Variants in C1orf21 observed in about 807,000 individuals in gnomAD.
C1orf21 encodes the protein uncharacterized protein C1orf21.
Under a neutral mutation model 18.7 loss-of-function variants are expected in C1orf21, and 3 were observed. The ratio of observed to expected loss-of-function variants is 0.16; its 90% CI spans 0.07 to 0.42. The LOEUF (loss-of-function observed/expected upper bound fraction) is 0.42, where lower values mean the gene tolerates loss of function less well. Among genes scored for constraint, C1orf21 ranks in the 10% least tolerant of loss-of-function variants. C1orf21 has a pLI of 0.99. For missense variants in C1orf21, 104 were observed against 143.6 expected, an observed-to-expected ratio of 0.72 and a Z score of 1.41; for synonymous variants, 41 against 46.4, an observed-to-expected ratio of 0.88 and a Z score of 0.47.
At chr1:184,393,067 G>A (rs1655998510) in intron 1 of C1orf21, among the ~76,000 whole-genome samples, 1 of 151,910 alleles carries the variant, frequency 6.6e-6, no homozygotes, top group South Asian at 2.1e-4. Context: ...GAGCTCAAGC[G>A]ATCCCCCTGC....
chr1:184,510,729 G>A (rs1658131572), intron 3 of C1orf21, among the ~76,000 whole-genome samples: 1 of 152,208 alleles, frequency 6.6e-6, no homozygotes, highest in African/African-American at 2.4e-5. Context: ...TTAATGTCCA[G>A]CCAAGAGGCC....
At chr1:184,572,448 C>T (rs905477375) in intron 3 of C1orf21, among the ~76,000 whole-genome samples, 2 of 152,172 alleles carry the variant, frequency 1.3e-5, no homozygotes, top group African/African-American at 4.8e-5. Flanking sequence ...TGTTAGACAG[C>T]AGATGTAGCA....
Position 184,608,076 on chromosome 1 carries a change from C to T in C1orf21, c.327+9615C>T, listed in dbSNP as rs1659675298. On this transcript the variant is annotated intron_variant, in intron 5 of 5. Transcript: ENST00000235307. ...ATACCAAACATACAAACCGACCAAA[C>T]CCATGAACATTGCTGTGCCCGGGGA... 2.6e-5 allele frequency among the ~76,000 whole-genome samples: 4 copies of T among 152,026 alleles called. No individual in the cohort carries two copies. The South Asian group carries it at 8.3e-4, about 32-fold the overall frequency.
At chr1:184,617,905 T>G (rs1354692815) in intron 5 of C1orf21, among the ~76,000 whole-genome samples, 1 of 34,572 alleles carries the variant, frequency 2.9e-5, no homozygotes, top group African/African-American at 2.2e-4. Context: ...GTTGTTGTTG[T>G]TTTTTTTTTT....
chr1:184,505,969 G>A (rs1287196981), intron 2 of C1orf21, among the ~76,000 whole-genome samples: 1 of 151,620 alleles, frequency 6.6e-6, no homozygotes, highest in African/African-American at 2.4e-5. Context: ...CAAATTCTCA[G>A]TAAATAATCC....
chr1:184,608,037 A>G (rs1659674888), intron 5 of C1orf21, among the ~76,000 whole-genome samples: 1 of 152,188 alleles, frequency 6.6e-6, no homozygotes, highest in Admixed American at 6.6e-5. Flanking sequence ...ATGAATATCA[A>G]AGTATCTAAA....
At chr1:184,496,682 C>T (rs1007998067) in intron 2 of C1orf21, among the ~76,000 whole-genome samples, 6 of 152,180 alleles carry the variant, frequency 3.9e-5, no homozygotes, top group Admixed American at 6.5e-5. Flanking sequence ...AGCAGCTCTC[C>T]GCTTGAAAGA....
rs980163353 is a variant in C1orf21, at chr1:184,401,166, AT to A, written c.-125+13805del. On this transcript the variant is annotated intron_variant, in intron 1 of 5. Coordinates refer to ENST00000235307, the MANE Select transcript of C1orf21 (RefSeq NM_030806.4). Reference sequence around the variant, plus strand: ...CTTTTTCTATGAACAGTTTCTTCATATTTTTTTGCCCATTTTTATAGAATTG... The same window carrying A: ...CTTTTTCTATGAACAGTTTCTTCATATTTTTTGCCCATTTTTATAGAATTG... Among the ~76,000 whole-genome samples, 3 of 151,506 alleles carry A rather than the reference AT, an allele frequency of 2.0e-5. No homozygotes were observed. In the Admixed American group the frequency reaches 2.0e-4, roughly 10 times the overall value.
rs1036482636 is a variant in C1orf21 at position 184,625,724 on chromosome 1, G to A, written c.*6168G>A. Reference sequence around the variant, plus strand: ...ACAGGAAAAACCAGCCATCACTCTTGAGAAAGTTTGAGTTCGACTCACATG... The same window carrying A: ...ACAGGAAAAACCAGCCATCACTCTTAAGAAAGTTTGAGTTCGACTCACATG... On this transcript the variant is annotated 3_prime_UTR_variant, in exon 6 of 6. Transcript: ENST00000235307. 1 of 152,448 alleles carries A rather than the reference G, an allele frequency of 6.6e-6. No homozygotes were observed. Among genetic ancestry groups the A allele is most frequent in the African/African-American group, 2.4e-5 (1 of 41,450 alleles). The allele number at this position is 152,448 out of a possible 1,614,324, so 9.4% of individuals were successfully genotyped here. A position where few individuals can be genotyped will look rare whatever the true frequency, so the allele number is the denominator to read the frequency against.
At chr1:184,572,589 G>A (rs1006027470) in intron 3 of C1orf21, among the ~76,000 whole-genome samples, 7 of 152,180 alleles carry the variant, frequency 4.6e-5, no homozygotes, top group Non-Finnish European at 7.3e-5. Flanking sequence ...CATTGTTGAA[G>A]ATGATCATTG....
At chr1:184,488,095 A>G (rs1406729320) in intron 2 of C1orf21, among the ~76,000 whole-genome samples, 1 of 152,178 alleles carries the variant, frequency 6.6e-6, no homozygotes, top group Non-Finnish European at 1.5e-5. Flanking sequence ...TTAAAAGATG[A>G]TCAATTGTCC....
chr1:184,437,842 C>T (rs1656882696), intron 1 of C1orf21, among the ~76,000 whole-genome samples: 1 of 152,040 alleles, frequency 6.6e-6, no homozygotes, highest in African/African-American at 2.4e-5. Flanking sequence ...TAGATGGTCC[C>T]ATCTGAGGGT....
chr1:184,554,776 C>CT (rs1658856191), intron 3 of C1orf21, among the ~76,000 whole-genome samples: 1 of 152,118 alleles, frequency 6.6e-6, no homozygotes, highest in Non-Finnish European at 1.5e-5. Context: ...TAGGGACAGT[C>CT]TCTTAAAAAT....
chr1:184,454,604 G>T (rs1485962069), intron 1 of C1orf21, among the ~76,000 whole-genome samples: 1 of 152,082 alleles, frequency 6.6e-6, no homozygotes, highest in Non-Finnish European at 1.5e-5. Context: ...CCATCCCCTG[G>T]TGCCGTTCTC....
chr1:184,612,598 T>G (rs1659753884), intron 5 of C1orf21, among the ~76,000 whole-genome samples: 1 of 152,054 alleles, frequency 6.6e-6, no homozygotes, highest in African/African-American at 2.4e-5. Flanking sequence ...TGGTGGTGCA[T>G]GCTACTCGGG....
At chr1:184,541,422 C>G (rs1299990448) in intron 3 of C1orf21, among the ~76,000 whole-genome samples, 1 of 152,234 alleles carries the variant, frequency 6.6e-6, no homozygotes, top group African/African-American at 2.4e-5. Context: ...ACCTCGCCAT[C>G]TACCACATGC....
At chr1:184,529,798 G>A (rs764071236) in intron 3 of C1orf21, among the ~76,000 whole-genome samples, 3 of 152,136 alleles carry the variant, frequency 2.0e-5, no homozygotes, top group Non-Finnish European at 4.4e-5. Context: ...AAGTCATTGG[G>A]TCTGATATCT....
chr1:184,466,737 A>AT lies in C1orf21; in HGVS notation c.-124-10639dup, dbSNP rs562297066. On this transcript the variant is annotated intron_variant, in intron 1 of 5. Coordinates refer to ENST00000235307, the MANE Select transcript of C1orf21 (RefSeq NM_030806.4). ...CTTATACATGCAAACAAAAACCTTG[A>AT]TTTTTTTTTTCAGATGGGCAAGATT... Among the ~76,000 whole-genome samples, 232 of 150,520 alleles carry AT rather than the reference A, an allele frequency of 1.5e-3. 1 individual carries two copies. Among genetic ancestry groups the AT allele is most frequent in the African/African-American group, 4.4e-3 (180 of 41,068 alleles).
intron 1 of C1orf21, among the ~76,000 whole-genome samples, chr1:184,428,571 A>G (rs1656681910): frequency 6.6e-6 from 1 of 152,230 alleles, no homozygotes; most frequent in Non-Finnish European, 1.5e-5. Context: ...TATGACTTAT[A>G]CTTAATGATA....
Sources: allele counts gnomAD v4.1 joint callset (sites outside exome capture counted in the v4.1 genomes callset), GRCh38; gene constraint gnomAD v4.1.1; transcripts MANE v1.5; gene names NCBI Gene and HGNC (gene_info 2026-07-23, HGNC 2026-07-21).